PTPRM: variants seen among roughly 807,000 people sequenced by gnomAD.
PTPRM encodes the protein receptor-type tyrosine-protein phosphatase mu.
PTPRM carries 47 observed loss-of-function variants against 186.7 expected under a neutral mutation model. That is an observed-to-expected ratio of 0.25 (90% CI 0.20 to 0.32). The LOEUF is 0.32. Ranked by LOEUF, PTPRM falls within the 10% of genes least tolerant of loss-of-function variation. The pLI, the probability that PTPRM is intolerant of heterozygous loss-of-function variation, is 1.00. For missense variants in PTPRM, 1,494 were observed against 1,865.0 expected (o/e 0.80, Z 3.66); for synonymous variants, 668 against 674.9 (o/e 0.99, Z 0.16).
At chr18:8,353,162 G>A (rs533989855) in intron 23 of PTPRM, among the ~76,000 whole-genome samples, 1 of 152,164 alleles carries the variant, frequency 6.6e-6, no homozygotes, top group Non-Finnish European at 1.5e-5. Flanking sequence ...ATGGCAAGAT[G>A]GAGAAAGAGC....
At chr18:8,256,945 A>G (rs986417388) in intron 19 of PTPRM, among the ~76,000 whole-genome samples, 3 of 152,214 alleles carry the variant, frequency 2.0e-5, no homozygotes, top group Admixed American at 6.5e-5. Context: ...GATTTGGGGA[A>G]GAGTTTAATT....
At chr18:7,574,314 C>T (rs992676762) in intron 1 of PTPRM, among the ~76,000 whole-genome samples, 2 of 152,054 alleles carry the variant, frequency 1.3e-5, no homozygotes, top group Non-Finnish European at 2.9e-5. Context: ...TTACTTACCA[C>T]GATGTAACAA....
intron 22 of PTPRM, among the ~76,000 whole-genome samples, chr18:8,326,288 A>T (rs2095375811): frequency 6.6e-6 from 1 of 152,200 alleles, no homozygotes; most frequent in South Asian, 2.1e-4. Flanking sequence ...ATCAGGGATG[A>T]TACAAACAGT....
At chr18:7,837,353 T>C (rs1018335634) in intron 2 of PTPRM, among the ~76,000 whole-genome samples, 4 of 152,252 alleles carry the variant, frequency 2.6e-5, no homozygotes, top group African/African-American at 4.8e-5. Context: ...AAATACTGAT[T>C]GATACTTTTT....
chr18:8,054,486 C>G (rs1056456707), intron 7 of PTPRM, among the ~76,000 whole-genome samples: 4 of 150,908 alleles, frequency 2.7e-5, no homozygotes, highest in Non-Finnish European at 1.5e-5. Context: ...TTACTTGTTA[C>G]TGAAGGTATT....
At chr18:7,711,534 G>T (rs977301419) in intron 1 of PTPRM, among the ~76,000 whole-genome samples, 5 of 152,208 alleles carry the variant, frequency 3.3e-5, no homozygotes, top group Non-Finnish European at 7.3e-5. Context: ...AAGTGGTCTA[G>T]TTCAGTGGAT....
At chr18:7,788,998 G>T (rs1438657929) in intron 2 of PTPRM, among the ~76,000 whole-genome samples, 1 of 151,872 alleles carries the variant, frequency 6.6e-6, no homozygotes, top group Non-Finnish European at 1.5e-5. Context: ...TATGTACTGT[G>T]GAATAGCTGT....
intron 2 of PTPRM, among the ~76,000 whole-genome samples, chr18:7,835,168 A>T: frequency 7.0e-6 from 1 of 143,616 alleles, no homozygotes; most frequent in African/African-American, 2.6e-5. Flanking sequence ...TTGCTTTTAA[A>T]TTATTCGTTT....
chr18:7,871,896 A>G (rs1355542267), intron 2 of PTPRM, among the ~76,000 whole-genome samples: 1 of 152,218 alleles, frequency 6.6e-6, no homozygotes, highest in East Asian at 1.9e-4. Context: ...ATACATATAC[A>G]CAGTACATTT....
intron 13 of PTPRM, among the ~76,000 whole-genome samples, chr18:8,130,897 G>A (rs1251042519): frequency 6.6e-6 from 1 of 152,212 alleles, no homozygotes; most frequent in Non-Finnish European, 1.5e-5. Flanking sequence ...AAAACAGGGA[G>A]AATACTATTT....
At chr18:8,399,647 T>A (rs1227424793) in intron 32 of PTPRM, 1 of 152,242 alleles carries the variant, frequency 6.6e-6, no homozygotes, top group Non-Finnish European at 1.5e-5. Context: ...GTGCTGCCGC[T>A]GCACCCCCTT....
chr18:8,017,518 G>T (rs2147929070), intron 7 of PTPRM, among the ~76,000 whole-genome samples: 1 of 140,920 alleles, frequency 7.1e-6, no homozygotes, highest in East Asian at 2.1e-4. Flanking sequence ...GGGAGGCAGA[G>T]GTTGCAGTGA....
At chr18:8,338,239 TG>T in intron 22 of PTPRM, among the ~76,000 whole-genome samples, 1 of 151,392 alleles carries the variant, frequency 6.6e-6, no homozygotes, top group Non-Finnish European at 1.5e-5. Context: ...AGGAGGGAAG[TG>T]ACCTGAGATC....
intron 7 of PTPRM, among the ~76,000 whole-genome samples, chr18:7,976,638 A>G (rs2054964026): frequency 6.6e-6 from 1 of 152,180 alleles, no homozygotes; most frequent in Admixed American, 6.5e-5. Flanking sequence ...CTCACCCTTG[A>G]GTCTAGGGAT....
intron 27 of PTPRM, among the ~76,000 whole-genome samples, 159 bp downstream of exon 27, chr18:8,378,573 C>T (rs749107840): frequency 5.3e-5 from 8 of 152,160 alleles, no homozygotes; most frequent in Admixed American, 1.3e-4. Flanking sequence ...ACCCAGGAGA[C>T]GTCTATGGTA....
At chr18:7,593,681 C>T (rs938450576) in intron 1 of PTPRM, among the ~76,000 whole-genome samples, 4 of 152,200 alleles carry the variant, frequency 2.6e-5, no homozygotes, top group African/African-American at 9.6e-5. Flanking sequence ...CCACTTTCTA[C>T]CTGCTGGTTC....
intron 7 of PTPRM, among the ~76,000 whole-genome samples, chr18:8,041,439 G>A (rs889552970): frequency 1.3e-5 from 2 of 149,574 alleles, no homozygotes; most frequent in Non-Finnish European, 3.0e-5. Context: ...GAGTTAGTCT[G>A]CACTGAGATG....
At chr18:7,575,615 G>A (rs2036668891) in intron 1 of PTPRM, among the ~76,000 whole-genome samples, 1 of 152,188 alleles carries the variant, frequency 6.6e-6, no homozygotes, top group Admixed American at 6.5e-5. Flanking sequence ...TGGTAAAACT[G>A]GAAGAAGTAG....
intron 7 of PTPRM, among the ~76,000 whole-genome samples, chr18:7,973,489 GTATTCAGTA>G (rs1336144505): frequency 6.6e-6 from 1 of 152,130 alleles, no homozygotes; most frequent in African/African-American, 2.4e-5. Context: ...TTCCATGCAT[GTATTCAGTA>G]TATTTCTTCC....
Sources: gnomAD v4.1 joint callset for allele counts (sites outside exome capture counted in the v4.1 genomes callset) on GRCh38, gnomAD v4.1.1 for gene constraint, MANE v1.5 for transcripts, NCBI Gene and HGNC (gene_info 2026-07-23, HGNC 2026-07-21) for gene names.